ADGRL3: variants seen among roughly 807,000 people sequenced by gnomAD.
The protein encoded by ADGRL3 is calcium-independent alpha-latrotoxin receptor 3.
In ADGRL3, 62 loss-of-function variants were observed where a neutral mutation model predicts 153.5. That is an observed-to-expected ratio of 0.40 (90% confidence interval 0.33 to 0.50). The LOEUF is 0.50. ADGRL3 is among the 20% of genes least tolerant of loss of function. The pLI is 0.47. For synonymous variants in ADGRL3, 710 were observed against 672.5 expected, an observed-to-expected ratio of 1.06 and a Z score of -0.86; for missense variants, 1,641 against 1,859.4, an observed-to-expected ratio of 0.88 and a Z score of 2.16.
intron 19 of ADGRL3, among the ~76,000 whole-genome samples, chr4:61,988,971 A>G (rs777779552): frequency 1.4e-4 from 22 of 152,294 alleles, no homozygotes; most frequent in Non-Finnish European, 2.5e-4. Context: ...GTTGTAAATT[A>G]TCTATTAAAC....
At chr4:61,856,065 G>C (rs905468704) in intron 9 of ADGRL3, among the ~76,000 whole-genome samples, 4 of 152,080 alleles carry the variant, frequency 2.6e-5, no homozygotes, top group Admixed American at 6.6e-5. Flanking sequence ...GCATGAAGCA[G>C]TCTATCAAAT....
intron 4 of ADGRL3, among the ~76,000 whole-genome samples, chr4:61,528,175 T>C (rs1026577187): frequency 6.6e-6 from 1 of 152,174 alleles, no homozygotes; most frequent in Non-Finnish European, 1.5e-5. Context: ...ACTCATAGGA[T>C]TGTTGTGAGT....
chr4:61,488,971 T>A (rs1189806653), intron 2 of ADGRL3, among the ~76,000 whole-genome samples: 1 of 152,018 alleles, frequency 6.6e-6, no homozygotes, highest in Non-Finnish European at 1.5e-5. Flanking sequence ...TATCGAATGT[T>A]CTTCTATCCC....
chr4:61,510,999 C>T (rs1692176770), intron 3 of ADGRL3, among the ~76,000 whole-genome samples: 3 of 151,990 alleles, frequency 2.0e-5, no homozygotes, highest in South Asian at 4.1e-4. Flanking sequence ...TAGATGGATT[C>T]CTAGATTTTT....
In ADGRL3 at chr4:61,935,958, T is replaced by C. The variant is rs569173075; in HGVS notation, c.2332T>C (p.Leu778=). 1 of 1,600,242 alleles carries C rather than the reference T, an allele frequency of 6.2e-7. No homozygotes were observed. Among genetic ancestry groups the C allele is most frequent in the East Asian group, 2.2e-5 (1 of 44,620 alleles). ...TGCAAGACTGAGCACAGAAGGAAAC[T>C]TAGAAGACCTAAAATTTCCAGAAAA... is the stretch of plus-strand genomic sequence containing the variant. ...EVARLSTEGN[L]EDLKFPENMG... is the part of the protein sequence containing the mutation. Residue 778 remains leucine (L), a synonymous_variant, in exon 15 of 27, where the codon TTA becomes CTA. Transcript: ENST00000683033.
At chr4:61,479,268 A>G (rs745639204) in intron 2 of ADGRL3, among the ~76,000 whole-genome samples, 8 of 152,084 alleles carry the variant, frequency 5.3e-5, no homozygotes, top group Non-Finnish European at 8.8e-5. Flanking sequence ...TAGAAAATTT[A>G]CATAATTTAA....
intron 4 of ADGRL3, among the ~76,000 whole-genome samples, chr4:61,563,969 A>C (rs1209415667): frequency 6.6e-6 from 1 of 152,132 alleles, no homozygotes; most frequent in Non-Finnish European, 1.5e-5. Context: ...AGATGGCACC[A>C]TTGGACTCCA....
chr4:61,767,453 C>T (rs994523796), intron 8 of ADGRL3, among the ~76,000 whole-genome samples: 19 of 152,022 alleles, frequency 1.2e-4, no homozygotes, highest in Non-Finnish European at 1.8e-4. Context: ...GAGTAGCCTC[C>T]GTATTGATTA....
At chr4:61,325,288 G>T (rs935781988) in intron 1 of ADGRL3, among the ~76,000 whole-genome samples, 2 of 152,024 alleles carry the variant, frequency 1.3e-5, no homozygotes, top group African/African-American at 4.8e-5. Context: ...CTCCAGCCTG[G>T]CGACAGTGAG....
chr4:61,947,895 C>T (rs2098932154), intron 16 of ADGRL3, among the ~76,000 whole-genome samples: 1 of 152,096 alleles, frequency 6.6e-6, no homozygotes, highest in African/African-American at 2.4e-5. Flanking sequence ...AAAAATAGTG[C>T]ACTCTTCTCT....
chr4:62,068,794 T>C (rs376720464), intron 26 of ADGRL3, among the ~76,000 whole-genome samples: 3 of 152,196 alleles, frequency 2.0e-5, no homozygotes, highest in South Asian at 4.1e-4. Context: ...ATTAATACAA[T>C]TTATGCATTG....
intron 18 of ADGRL3, 33 bp from the exon 19 acceptor site, chr4:61,983,350 A>C (rs1429410543): frequency 1.3e-6 from 2 of 1,559,910 alleles, no homozygotes; most frequent in African/African-American, 2.7e-5. Flanking sequence ...CATGTGGTAG[A>C]GATTTGACTA....
intron 1 of ADGRL3, among the ~76,000 whole-genome samples, chr4:61,293,619 T>C (rs564085635): frequency 6.6e-5 from 10 of 152,178 alleles, no homozygotes; most frequent in Non-Finnish European, 1.0e-4. Flanking sequence ...CCTTTGTTAA[T>C]CAGAAATTAA....
intron 8 of ADGRL3, among the ~76,000 whole-genome samples, chr4:61,759,593 T>C (rs576857578): frequency 1.3e-5 from 2 of 152,072 alleles, no homozygotes; most frequent in Non-Finnish European, 2.9e-5. Context: ...TCAAGGTTTT[T>C]AATTTCTTTG....
At chr4:61,752,758 C>T (rs1443694916) in intron 8 of ADGRL3, among the ~76,000 whole-genome samples, 4 of 152,044 alleles carry the variant, frequency 2.6e-5, no homozygotes, top group Admixed American at 6.6e-5. Flanking sequence ...CATGGTGAGA[C>T]CTCGTTTCTA....
chr4:61,538,302 GC>G (rs1472499661), intron 4 of ADGRL3, among the ~76,000 whole-genome samples: 3 of 152,056 alleles, frequency 2.0e-5, no homozygotes, highest in Non-Finnish European at 4.4e-5. Flanking sequence ...TTCAAATGAT[GC>G]TTGTTGTAGT....
chr4:61,640,295 G>T (rs1027957283), intron 5 of ADGRL3, among the ~76,000 whole-genome samples: 1 of 152,124 alleles, frequency 6.6e-6, no homozygotes, highest in Non-Finnish European at 1.5e-5. Flanking sequence ...TGTTTTATGA[G>T]AATTAGTTAC....
intron 6 of ADGRL3, among the ~76,000 whole-genome samples, chr4:61,723,719 A>G (rs974931649): frequency 6.6e-6 from 1 of 152,158 alleles, no homozygotes; most frequent in African/African-American, 2.4e-5. Flanking sequence ...GGGAACCGCC[A>G]TGTTGGGTGG....
At chr4:61,363,694 C>T (rs1176054971) in intron 1 of ADGRL3, among the ~76,000 whole-genome samples, 1 of 152,000 alleles carries the variant, frequency 6.6e-6, no homozygotes, top group Admixed American at 6.6e-5. Context: ...GCATTTAAGG[C>T]CTGACTAGCT....
Sources: gnomAD v4.1 joint callset for allele counts (sites outside exome capture counted in the v4.1 genomes callset) on GRCh38, gnomAD v4.1.1 for gene constraint, MANE v1.5 for transcripts, NCBI Gene and HGNC (gene_info 2026-07-23, HGNC 2026-07-21) for gene names.